Variants in PI4KA observed in about 807,000 individuals in gnomAD.
PI4KA encodes the protein PI4-kinase alpha.
Under a neutral mutation model 271.4 loss-of-function variants are expected in PI4KA, and 122 were observed. The observed-to-expected ratio is 0.45, with a 90% CI of 0.39 to 0.52. PI4KA has a LOEUF of 0.52. PI4KA is among the 20% of genes least tolerant of loss of function. The probability of loss-of-function intolerance (pLI) is 0.00; values close to 1 mark genes in which losing one functional copy is unlikely to be tolerated. For missense variants in PI4KA, 1,969 were observed against 2,769.1 expected, an observed-to-expected ratio of 0.71 and a Z score of 6.48; for synonymous variants, 1,041 against 1,078.8, an observed-to-expected ratio of 0.96 and a Z score of 0.69.
rs559501850 is a variant in PI4KA, at chr22:20,713,337, C to T, written c.5515G>A (p.Gly1839Ser). ...EDECSTQEAD[G>S]QKISWQAAIF... is the part of the protein sequence containing the mutation. ...GCTGCCTGCCAGGAGATCTTCTGGC[C>T]GTCGGCCTCCTGCGTGCTGCACTCA... is the stretch of plus-strand genomic sequence containing the variant. Residue 1839 changes from glycine (G) to serine (S), a missense_variant, in exon 48 of 55, where the codon GGC (glycine) becomes AGC (serine). Physicochemically the swap from Gly to Ser is moderately conservative, Grantham distance 56 (BLOSUM62 0). Coordinates refer to ENST00000255882, the MANE Select transcript of PI4KA (RefSeq NM_058004.4). The T allele has an allele frequency of 1.4e-5, 22 of 1,599,504 alleles. No individual in the cohort carries two copies. Among genetic ancestry groups the T allele is most frequent in the East Asian group, 6.8e-5 (3 of 44,442 alleles).
chr22:20,731,812 C>T (rs981515100), intron 36 of PI4KA, among the ~76,000 whole-genome samples: 1 of 151,858 alleles, frequency 6.6e-6, no homozygotes, highest in Non-Finnish European at 1.5e-5. Flanking sequence ...GCCTGTAGTC[C>T]CAGCTACTTG....
At chr22:20,802,678 G>A (rs146489422) in intron 13 of PI4KA, among the ~76,000 whole-genome samples, 7 of 152,318 alleles carry the variant, frequency 4.6e-5, no homozygotes, top group African/African-American at 1.7e-4. Context: ...TAGGACTACA[G>A]GTGAGCGCCA....
At chr22:20,770,547 T>C (rs1224275248) in intron 19 of PI4KA, among the ~76,000 whole-genome samples, 2 of 93,192 alleles carry the variant, frequency 2.1e-5, no homozygotes, top group Non-Finnish European at 2.1e-5. Flanking sequence ...GAGAGAGAGA[T>C]CGGTTTTGCT....
chr22:20,781,180 C>A (rs1480008704), intron 19 of PI4KA, among the ~76,000 whole-genome samples: 2 of 152,168 alleles, frequency 1.3e-5, no homozygotes, highest in Non-Finnish European at 2.9e-5. Flanking sequence ...ACACATAGGA[C>A]CCCTGGAATC....
chr22:20,799,357 T>A, intron 15 of PI4KA, 81 bp from the exon 16 acceptor site: 1 of 1,275,126 alleles, frequency 7.8e-7, no homozygotes, highest in Non-Finnish European at 1.1e-6. Flanking sequence ...GACTACGATC[T>A]AGACCTTAAT....
At chr22:20,817,446 T>C (rs1247016900) in intron 7 of PI4KA, among the ~76,000 whole-genome samples, 1 of 151,712 alleles carries the variant, frequency 6.6e-6, no homozygotes, top group African/African-American at 2.4e-5. Context: ...CTATAAAAAG[T>C]AGTAATGGGC....
At chr22:20,730,950 G>A (rs142698590) in intron 36 of PI4KA, among the ~76,000 whole-genome samples, 73 of 152,144 alleles carry the variant, frequency 4.8e-4, no homozygotes, top group African/African-American at 1.6e-3. Flanking sequence ...GCTGAGGCAG[G>A]TGGATTGCTA....
intron 6 of PI4KA, among the ~76,000 whole-genome samples, chr22:20,819,245 G>A (rs2147691330): frequency 6.6e-6 from 1 of 152,070 alleles, no homozygotes; most frequent in East Asian, 1.9e-4. Flanking sequence ...GCAGTTAGTG[G>A]GAGCAGGCTT....
At chr22:20,845,473 G>A (rs1056235716) in intron 1 of PI4KA, among the ~76,000 whole-genome samples, 1 of 152,150 alleles carries the variant, frequency 6.6e-6, no homozygotes, top group African/African-American at 2.4e-5. Flanking sequence ...GAGAACAAAA[G>A]ACTAAGATTT....
intron 41 of PI4KA, 141 bp from the exon 42 acceptor site, chr22:20,726,682 A>AC: frequency 1.4e-6 from 1 of 708,554 alleles, no homozygotes; most frequent in Non-Finnish European, 2.3e-6. Context: ...AGGCAAAATG[A>AC]CCGATGGCTC....
At chr22:20,829,882 G>C (rs1923928335) in intron 3 of PI4KA, among the ~76,000 whole-genome samples, 1 of 152,074 alleles carries the variant, frequency 6.6e-6, no homozygotes, top group African/African-American at 2.4e-5. Flanking sequence ...ATAATTTCTT[G>C]ATTTCTGCCT....
Position 20,744,552 on chromosome 22 carries a change from C to T in PI4KA, c.3456+76G>A, listed in dbSNP as rs113128946. ...TCACCGGGACGCTTTGTTCATTTTC[C>T]ACTAGGAAGCGGCCAACAGGCCTCA... On this transcript the variant is annotated intron_variant, in intron 30 of 54. Coordinates refer to ENST00000255882, the MANE Select transcript of PI4KA (RefSeq NM_058004.4). 5.0e-6 allele frequency: 5 copies of T among 998,916 alleles called. No individual in the cohort carries two copies. In the African/African-American group the frequency reaches 8.0e-5, roughly 16 times the overall value. The allele number at this position is 998,916 out of a possible 1,614,324, so 61.9% of individuals were successfully genotyped here. A position where few individuals can be genotyped will look rare whatever the true frequency, so the allele number is the denominator to read the frequency against.
intron 22 of PI4KA, among the ~76,000 whole-genome samples, chr22:20,763,016 T>TTTGG (rs1555888528): frequency 1.4e-4 from 2 of 14,184 alleles, no homozygotes; most frequent in East Asian, 3.8e-3. Context: ...GCTTTTTTTT[T>TTTGG]TGGGGGGGGG....
chr22:20,832,971 G>T (rs1226099788), intron 3 of PI4KA, among the ~76,000 whole-genome samples: 1 of 152,176 alleles, frequency 6.6e-6, no homozygotes, highest in Non-Finnish European at 1.5e-5. Flanking sequence ...ACTGGCTTTT[G>T]GAGATGCCAG....
intron 41 of PI4KA, among the ~76,000 whole-genome samples, chr22:20,726,835 C>G (rs570347511): frequency 1.1e-4 from 16 of 152,264 alleles, no homozygotes; most frequent in African/African-American, 3.9e-4. Context: ...AGAGACCCTT[C>G]TCCACCATCA....
At chr22:20,799,416 T>C in intron 15 of PI4KA, 140 bp from the exon 16 acceptor site, 1 of 865,460 alleles carries the variant, frequency 1.2e-6, no homozygotes, top group Non-Finnish European at 1.7e-6. Flanking sequence ...CAGCCCAGGA[T>C]TTTAACCACG....
At chr22:20,815,833 T>C (rs1298780606) in intron 7 of PI4KA, among the ~76,000 whole-genome samples, 1 of 152,194 alleles carries the variant, frequency 6.6e-6, no homozygotes, top group Non-Finnish European at 1.5e-5. Flanking sequence ...GGCTAAGTCC[T>C]GTGTGGCTGA....
chr22:20,719,211 A>T (rs1255455186), intron 43 of PI4KA, among the ~76,000 whole-genome samples: 1 of 151,968 alleles, frequency 6.6e-6, no homozygotes, highest in Non-Finnish European at 1.5e-5. Context: ...AGCAATGAAA[A>T]CTAATTCTTA....
chr22:20,715,107 G>A lies in PI4KA; in HGVS notation c.5318-407C>T, dbSNP rs187005790. 6.4e-3 allele frequency among the ~76,000 whole-genome samples: 959 copies of A among 149,944 alleles called. 15 individuals are homozygous for A. Among genetic ancestry groups the A allele is most frequent in the African/African-American group, 0.023 (920 of 40,816 alleles). The stretch of plus-strand genomic sequence containing the variant: ...TTTTTTTTGGATAGAGTCTCACTCT[G>A]TCACCCAGGCTGGAGTGCAGTGGTG... On this transcript the variant is annotated intron_variant, in intron 45 of 54. Transcript: ENST00000255882.
Sources: allele counts gnomAD v4.1 joint callset (sites outside exome capture counted in the v4.1 genomes callset), GRCh38; gene constraint gnomAD v4.1.1; transcripts MANE v1.5; gene names NCBI Gene and HGNC (gene_info 2026-07-23, HGNC 2026-07-21).